CLPB: variants seen among roughly 807,000 people sequenced by gnomAD.
CLPB encodes ClpB family mitochondrial disaggregase.
In CLPB, 40 loss-of-function variants were observed where a neutral mutation model predicts 78.4. That is an observed-to-expected ratio of 0.51 (90% CI 0.40 to 0.66). The LOEUF (loss-of-function observed/expected upper bound fraction) is 0.66. Ranked by LOEUF, CLPB falls within the 30% of genes least tolerant of loss-of-function variation. The pLI, the probability that CLPB is intolerant of heterozygous loss-of-function variation, is 0.00. For synonymous variants in CLPB, 333 were observed against 348.0 expected, an observed-to-expected ratio of 0.96 and a Z score of 0.48; for missense variants, 780 against 886.9, an observed-to-expected ratio of 0.88 and a Z score of 1.53.
At position 72,434,181 on chromosome 11, in the gene CLPB, G is replaced by C; in HGVS notation, c.294C>G (p.Leu98=). Residue 98 remains leucine, a synonymous_variant, in exon 1 of 16, where the codon CTC becomes CTG. Transcript: ENST00000538039. ...WGRLPGPEET[L]PGQDSWNGVP... is the part of the protein sequence containing the mutation. ...CCCCGTTCCAGCTGTCCTGTCCTGG[G>C]AGTGTTTCTTCGGGACCAGGAAGGC... 1 of 1,613,380 alleles carries C rather than the reference G, an allele frequency of 6.2e-7. No individual in the cohort carries two copies. The highest frequency in any genetic ancestry group is 8.5e-7 in the Non-Finnish European group (1 of 1,180,014).
intron 5 of CLPB, 70 bp from the exon 6 acceptor site, chr11:72,329,874 T>A: frequency 8.0e-7 from 1 of 1,245,818 alleles, no homozygotes; most frequent in South Asian, 1.3e-5. Context: ...CCCTTGGAGG[T>A]GGCTTAAGGC....
chr11:72,308,385 A>G (rs1949782247), intron 8 of CLPB, 142 bp downstream of exon 8: 2 of 675,230 alleles, frequency 3.0e-6, no homozygotes, highest in Admixed American at 4.6e-5. Context: ...TGGCTCTGTA[A>G]TCTGGAGGCC....
At chr11:72,424,377 G>A (rs968455644) in intron 2 of CLPB, among the ~76,000 whole-genome samples, 2 of 152,054 alleles carry the variant, frequency 1.3e-5, no homozygotes, top group Non-Finnish European at 2.9e-5. Context: ...TTATTTTCCT[G>A]TAGTTCCTGG....
intron 6 of CLPB, among the ~76,000 whole-genome samples, chr11:72,318,689 C>T (rs569916310): frequency 1.3e-5 from 2 of 152,312 alleles, no homozygotes; most frequent in African/African-American, 4.8e-5. Flanking sequence ...AAATAAATAG[C>T]AAACAATCCA....
intron 6 of CLPB, among the ~76,000 whole-genome samples, chr11:72,319,886 T>G (rs1950014190): frequency 6.6e-6 from 1 of 152,210 alleles, no homozygotes; most frequent in Non-Finnish European, 1.5e-5. Flanking sequence ...TTTTTGTTTT[T>G]GGTACTGGAA....
chr11:72,358,493 T>C (rs986655362), intron 5 of CLPB, among the ~76,000 whole-genome samples: 3 of 152,122 alleles, frequency 2.0e-5, no homozygotes, highest in African/African-American at 7.2e-5. Flanking sequence ...GCCTGTGTCC[T>C]TTGTTTCATT....
At chr11:72,399,000 C>T (rs1299740026) in intron 3 of CLPB, among the ~76,000 whole-genome samples, 4 of 151,896 alleles carry the variant, frequency 2.6e-5, no homozygotes, top group African/African-American at 9.7e-5. Context: ...CACATTAGCA[C>T]CTGACACCAC....
At chr11:72,361,615 C>A (rs985888634) in intron 4 of CLPB, among the ~76,000 whole-genome samples, 1 of 152,182 alleles carries the variant, frequency 6.6e-6, no homozygotes, top group African/African-American at 2.4e-5. Flanking sequence ...CAGAGTACAG[C>A]ACCTCAAAAG....
At chr11:72,302,166 G>A in intron 10 of CLPB, 138 bp downstream of exon 10, 1 of 1,004,144 alleles carries the variant, frequency 1.0e-6, no homozygotes, top group South Asian at 1.5e-5. Context: ...ACAAATCAGT[G>A]ACCCTGCTGC....
intron 2 of CLPB, 23 bp downstream of exon 2, chr11:72,430,289 G>A: frequency 6.2e-7 from 1 of 1,610,580 alleles, no homozygotes; most frequent in Non-Finnish European, 8.5e-7. Context: ...GTAGGGGAGA[G>A]CAAGGCCTGG....
intron 5 of CLPB, among the ~76,000 whole-genome samples, chr11:72,337,585 C>T (rs952658692): frequency 1.3e-5 from 2 of 152,176 alleles, no homozygotes; most frequent in Admixed American, 6.5e-5. Flanking sequence ...CATGGTCATA[C>T]AGCAGATAAA....
chr11:72,407,305 T>A (rs1040011798), intron 2 of CLPB, among the ~76,000 whole-genome samples: 49 of 152,360 alleles, frequency 3.2e-4, no homozygotes, highest in African/African-American at 1.1e-3. Flanking sequence ...TGCCTGTGTA[T>A]CCCTCTTCCT....
chr11:72,377,486 A>T (rs2135670155), intron 4 of CLPB, among the ~76,000 whole-genome samples: 1 of 152,296 alleles, frequency 6.6e-6, no homozygotes, highest in South Asian at 2.1e-4. Flanking sequence ...TTTAATTGTT[A>T]TTTCATAAGG....
intron 6 of CLPB, among the ~76,000 whole-genome samples, chr11:72,326,689 A>C (rs1950138926): frequency 6.6e-6 from 1 of 152,138 alleles, no homozygotes; most frequent in Non-Finnish European, 1.5e-5. Context: ...CTGGAGCTTC[A>C]GCAGCCTCCA....
intron 11 of CLPB, among the ~76,000 whole-genome samples, chr11:72,301,559 T>C (rs963714979): frequency 6.6e-6 from 1 of 152,182 alleles, no homozygotes; most frequent in Admixed American, 6.5e-5. Context: ...CATGTCTCTC[T>C]AGAAGGTGGG....
intron 6 of CLPB, among the ~76,000 whole-genome samples, chr11:72,324,331 G>A (rs1950095594): frequency 6.6e-6 from 1 of 152,176 alleles, no homozygotes; most frequent in Non-Finnish European, 1.5e-5. Context: ...ACTTTGGGAG[G>A]CCGAGGTGGG....
Position 72,433,534 on chromosome 11 carries a change from A to T in CLPB, c.403+538T>A, listed in dbSNP as rs551563807. ...CAGCTTGGCGACAGAGCAAGACTCCATCTCAGAAATAAATAAATAAATAAA... is the reference window on the plus strand; with the variant it reads ...CAGCTTGGCGACAGAGCAAGACTCCTTCTCAGAAATAAATAAATAAATAAA... On this transcript the variant is annotated intron_variant, in intron 1 of 15. Coordinates refer to ENST00000538039, the MANE Select transcript of CLPB (RefSeq NM_001258392.3). Among the ~76,000 whole-genome samples the T allele has an allele frequency of 4.7e-5, 7 of 147,488 alleles. No homozygotes were observed. The South Asian group carries it at 1.5e-3, about 32-fold the overall frequency.
chr11:72,413,871 A>T (rs1051446950), intron 2 of CLPB, among the ~76,000 whole-genome samples: 5 of 152,224 alleles, frequency 3.3e-5, no homozygotes, highest in Admixed American at 1.3e-4. Flanking sequence ...TGGTTATTAC[A>T]GGACTCTGAG....
chr11:72,386,238 A>G (rs1321714641), intron 3 of CLPB, among the ~76,000 whole-genome samples: 1 of 152,154 alleles, frequency 6.6e-6, no homozygotes, highest in East Asian at 1.9e-4. Flanking sequence ...AGTCAGGATG[A>G]ATTTTTTTAA....
Sources: allele counts gnomAD v4.1 joint callset (sites outside exome capture counted in the v4.1 genomes callset), GRCh38; gene constraint gnomAD v4.1.1; transcripts MANE v1.5; gene names NCBI Gene and HGNC (gene_info 2026-07-23, HGNC 2026-07-21).